FAM168A: variants seen among roughly 807,000 people sequenced by gnomAD.
The protein encoded by FAM168A is family with sequence similarity 168 member A.
FAM168A carries 3 observed loss-of-function variants against 28.5 expected under a neutral mutation model. The observed-to-expected ratio is 0.11, with a 90% CI of 0.05 to 0.27. The LOEUF (loss-of-function observed/expected upper bound fraction) is 0.27. Ranked by LOEUF, FAM168A falls within the 10% of genes least tolerant of loss-of-function variation. The probability of loss-of-function intolerance (pLI) is 1.00; values close to 1 mark genes in which losing one functional copy is unlikely to be tolerated. For missense variants in FAM168A, 222 were observed against 311.5 expected (o/e 0.71, Z 2.16); for synonymous variants, 122 against 124.2 (o/e 0.98, Z 0.12).
chr11:73,531,086 T>G (rs891961412), intron 1 of FAM168A, among the ~76,000 whole-genome samples: 2 of 152,138 alleles, frequency 1.3e-5, no homozygotes, highest in Non-Finnish European at 2.9e-5. Context: ...TAATGGAGGA[T>G]GACAAGCACT....
At chr11:73,528,619 C>T (rs1156555680) in intron 1 of FAM168A, among the ~76,000 whole-genome samples, 7 of 152,074 alleles carry the variant, frequency 4.6e-5, no homozygotes, top group Admixed American at 3.9e-4. Flanking sequence ...AACTTGCTTT[C>T]ACTTTGCACT....
chr11:73,422,536 C>G (rs7951589), intron 3 of FAM168A, among the ~76,000 whole-genome samples: 2,722 of 152,178 alleles, frequency 0.018, 81 homozygotes, highest in African/African-American at 0.061. Context: ...TTGGTGGGAG[C>G]GATTCAGAGC....
At chr11:73,458,673 C>A (rs185327758) in intron 2 of FAM168A, among the ~76,000 whole-genome samples, 1 of 151,042 alleles carries the variant, frequency 6.6e-6, no homozygotes, top group African/African-American at 2.4e-5. Flanking sequence ...TGCAATGGTG[C>A]GATCTCGGCT....
rs546179057 is a variant in FAM168A at position 73,535,159 on chromosome 11, CT to C, written c.-19+62763del. On this transcript the variant is annotated intron_variant, in intron 1 of 7. Coordinates refer to ENST00000356467, the MANE Select transcript of FAM168A (RefSeq NM_015159.3). ...TAAGCCCAACTCATGTATTTAAAAC[CT>C]TTTTTTTTTCTTTTTTTTACAGACA... 6.1e-3 allele frequency among the ~76,000 whole-genome samples: 911 copies of C among 149,338 alleles called. 8 individuals are homozygous for C. The highest frequency in any genetic ancestry group is 0.028 in the Middle Eastern group (8 of 286).
At chr11:73,505,989 T>C (rs918110798) in intron 1 of FAM168A, among the ~76,000 whole-genome samples, 8 of 152,302 alleles carry the variant, frequency 5.3e-5, no homozygotes, top group African/African-American at 1.7e-4. Flanking sequence ...CTCTCTAGGT[T>C]AATGGATTAA....
At chr11:73,514,669 C>T (rs1406766956) in intron 1 of FAM168A, among the ~76,000 whole-genome samples, 1 of 152,070 alleles carries the variant, frequency 6.6e-6, no homozygotes, top group Non-Finnish European at 1.5e-5. Flanking sequence ...CCTGTCTATA[C>T]AAAAATACAA....
chr11:73,440,369 G>A (rs1459069728), intron 2 of FAM168A, among the ~76,000 whole-genome samples: 1 of 152,228 alleles, frequency 6.6e-6, no homozygotes, highest in Non-Finnish European at 1.5e-5. Flanking sequence ...AAACAGGCTG[G>A]TCGTGGTGGC....
intron 2 of FAM168A, among the ~76,000 whole-genome samples, chr11:73,450,176 C>T (rs1867401075): frequency 6.6e-6 from 1 of 152,204 alleles, no homozygotes; most frequent in Non-Finnish European, 1.5e-5. Context: ...GCCAGCAGCC[C>T]CTCCTGTCAT....
At chr11:73,490,135 T>C (rs1868108374) in intron 1 of FAM168A, among the ~76,000 whole-genome samples, 1 of 152,228 alleles carries the variant, frequency 6.6e-6, no homozygotes, top group Non-Finnish European at 1.5e-5. Flanking sequence ...TTTGGTGTTG[T>C]TCTTGACTTC....
At chr11:73,424,502 C>CT (rs1866849806) in intron 3 of FAM168A, among the ~76,000 whole-genome samples, 1 of 152,028 alleles carries the variant, frequency 6.6e-6, no homozygotes, top group African/African-American at 2.4e-5. Flanking sequence ...CTGCCCCCCC[C>CT]ACCTCTCACC....
chr11:73,412,851 C>A (rs938674415), intron 4 of FAM168A, among the ~76,000 whole-genome samples: 1 of 152,176 alleles, frequency 6.6e-6, no homozygotes, highest in Non-Finnish European at 1.5e-5. Context: ...AGGACCCTTT[C>A]AGCTCCGAGG....
chr11:73,589,203 G>A (rs1378305914), intron 1 of FAM168A, among the ~76,000 whole-genome samples: 3 of 152,256 alleles, frequency 2.0e-5, no homozygotes, highest in South Asian at 2.1e-4. Context: ...AATTATGCAC[G>A]GGTAAAAGAT....
At chr11:73,547,164 G>A (rs1345835048) in intron 1 of FAM168A, among the ~76,000 whole-genome samples, 1 of 150,158 alleles carries the variant, frequency 6.7e-6, no homozygotes, top group African/African-American at 2.4e-5. Flanking sequence ...GGAAAAGGCG[G>A]GGGGGAGGAG....
intron 1 of FAM168A, among the ~76,000 whole-genome samples, chr11:73,578,592 T>A (rs575852977): frequency 1.3e-5 from 2 of 152,330 alleles, no homozygotes; most frequent in South Asian, 4.1e-4. Flanking sequence ...GGCCAAAGAT[T>A]TCTTTCCCTA....
intron 2 of FAM168A, among the ~76,000 whole-genome samples, chr11:73,464,035 A>C (rs1329586979): frequency 6.6e-6 from 1 of 152,164 alleles, no homozygotes; most frequent in Non-Finnish European, 1.5e-5. Context: ...TGAGATCCTA[A>C]TCACTGTACC....
intron 2 of FAM168A, among the ~76,000 whole-genome samples, chr11:73,460,966 A>T (rs1406175878): frequency 2.6e-5 from 4 of 152,224 alleles, no homozygotes; most frequent in Non-Finnish European, 1.5e-5. Flanking sequence ...CAGAAAGAGA[A>T]CTAGATTGGC....
intron 4 of FAM168A, among the ~76,000 whole-genome samples, chr11:73,411,806 A>G (rs888918215): frequency 1.3e-5 from 2 of 152,168 alleles, no homozygotes; most frequent in Non-Finnish European, 2.9e-5. Flanking sequence ...ATAAGAGGCT[A>G]GAACCACATG....
chr11:73,569,583 G>T (rs1158833388), intron 1 of FAM168A, among the ~76,000 whole-genome samples: 1 of 152,178 alleles, frequency 6.6e-6, no homozygotes, highest in Non-Finnish European at 1.5e-5. Flanking sequence ...CAGCACTTTG[G>T]GAAGCCGAGG....
intron 1 of FAM168A, among the ~76,000 whole-genome samples, chr11:73,596,828 T>C (rs1944443848): frequency 6.6e-6 from 1 of 152,122 alleles, no homozygotes; most frequent in Non-Finnish European, 1.5e-5. Flanking sequence ...AAATTTCCCC[T>C]GTGCCACCTC....
Sources: gnomAD v4.1 joint callset for allele counts (sites outside exome capture counted in the v4.1 genomes callset) on GRCh38, gnomAD v4.1.1 for gene constraint, MANE v1.5 for transcripts, NCBI Gene and HGNC (gene_info 2026-07-23, HGNC 2026-07-21) for gene names.